Variants in TIAM1 observed in about 807,000 individuals in gnomAD.
TIAM1 encodes the protein rho guanine nucleotide exchange factor TIAM1.
Under a neutral mutation model 163.5 loss-of-function variants are expected in TIAM1, and 65 were observed. That is an observed-to-expected ratio of 0.40 (90% CI 0.33 to 0.49). The LOEUF is 0.49. Among genes scored for constraint, TIAM1 ranks in the 20% least tolerant of loss-of-function variants. TIAM1 has a pLI of 0.77. For missense variants in TIAM1, 1,789 were observed against 2,044.7 expected (o/e 0.87, Z 2.41); for synonymous variants, 833 against 810.1 (o/e 1.03, Z -0.48).
intron 1 of TIAM1, among the ~76,000 whole-genome samples, chr21:31,528,211 C>T (rs1050529884): frequency 1.3e-5 from 2 of 152,072 alleles, no homozygotes; most frequent in African/African-American, 4.8e-5. Flanking sequence ...AGTATGTGAC[C>T]TCTATTTAAA....
At chr21:31,553,286 G>A (rs114539579) in intron 1 of TIAM1, among the ~76,000 whole-genome samples, 3 of 152,158 alleles carry the variant, frequency 2.0e-5, no homozygotes, top group Non-Finnish European at 4.4e-5. Context: ...CAGTACCCAG[G>A]TAGCCCATAT....
At chr21:31,174,049 G>A (rs2084650013) in intron 15 of TIAM1, among the ~76,000 whole-genome samples, 1 of 152,188 alleles carries the variant, frequency 6.6e-6, no homozygotes, top group Admixed American at 6.5e-5. Flanking sequence ...AGGACCATGT[G>A]CTGCCGGGTA....
rs745826849 is a variant in TIAM1, at chr21:31,252,167, C to T, written c.986G>A (p.Ser329Asn). The T allele has an allele frequency of 1.2e-6, 2 of 1,606,484 alleles. No homozygotes were observed. The highest frequency in any genetic ancestry group is 1.1e-5 in the South Asian group (1 of 91,066). ...TTQDVNAGEG[S>N]EFADSGIEGA... ...TTCAATCCCACTGTCTGCAAACTCACTGCCCTCGCCTGCATTAACATCCTT... is the reference window on the plus strand; with the variant it reads ...TTCAATCCCACTGTCTGCAAACTCATTGCCCTCGCCTGCATTAACATCCTT... The change falls in exon 5 of 28, where the codon AGT becomes AAT. Residue 329 changes from serine to asparagine, a missense_variant. Coordinates refer to ENST00000541036, the MANE Select transcript of TIAM1 (RefSeq NM_001353694.2).
intron 6 of TIAM1, among the ~76,000 whole-genome samples, chr21:31,243,169 G>A (rs1043850737): frequency 2.4e-5 from 3 of 125,548 alleles, no homozygotes; most frequent in Non-Finnish European, 4.8e-5. Context: ...TCCAGCCTGG[G>A]CAACAAAAGC....
chr21:31,234,209 A>G (rs187704558), intron 6 of TIAM1, among the ~76,000 whole-genome samples: 9 of 151,036 alleles, frequency 6.0e-5, no homozygotes, highest in African/African-American at 2.2e-4. Flanking sequence ...AAGCTTCCCT[A>G]AAATCTACAC....
intron 2 of TIAM1, among the ~76,000 whole-genome samples, chr21:31,351,927 G>C (rs1313686423): frequency 6.6e-6 from 1 of 152,046 alleles, no homozygotes; most frequent in Non-Finnish European, 1.5e-5. Context: ...AATTAGCCGG[G>C]TGTGGTGGTG....
intron 16 of TIAM1, among the ~76,000 whole-genome samples, chr21:31,156,301 T>G (rs2083620422): frequency 6.6e-6 from 1 of 152,226 alleles, no homozygotes; most frequent in Non-Finnish European, 1.5e-5. Flanking sequence ...ACCCTGGTCT[T>G]ATATGCCAGA....
At chr21:31,200,787 G>A (rs1198129568) in intron 12 of TIAM1, among the ~76,000 whole-genome samples, 1 of 152,124 alleles carries the variant, frequency 6.6e-6, no homozygotes, top group Non-Finnish European at 1.5e-5. Context: ...GGCTCCACCA[G>A]GCTACCAAAA....
chr21:31,323,166 T>C (rs1315549171), intron 2 of TIAM1, among the ~76,000 whole-genome samples: 3 of 151,872 alleles, frequency 2.0e-5, no homozygotes, highest in African/African-American at 7.3e-5. Flanking sequence ...TGCCCGCCTG[T>C]AGTCCCAGCT....
chr21:31,338,356 A>T (rs2147087900), intron 2 of TIAM1, among the ~76,000 whole-genome samples: 1 of 152,286 alleles, frequency 6.6e-6, no homozygotes, highest in South Asian at 2.1e-4. Context: ...TTCTGGACCA[A>T]CCAACATAGG....
intron 22 of TIAM1, among the ~76,000 whole-genome samples, chr21:31,136,854 T>C (rs550412183): frequency 6.6e-6 from 1 of 152,362 alleles, no homozygotes; most frequent in African/African-American, 2.4e-5. Context: ...TTATTTCTTC[T>C]TCCAATCCAT....
In TIAM1 at chr21:31,538,227, T is replaced by C. The variant is rs530146738; in HGVS notation, c.-422+20700A>G. Among the ~76,000 whole-genome samples the C allele has an allele frequency of 1.1e-3, 173 of 152,344 alleles. 1 individual carries two copies. Among genetic ancestry groups the C allele is most frequent in the African/African-American group, 3.9e-3 (163 of 41,578 alleles). Reference sequence around the variant, plus strand: ...CACTTTTCTGTATGTATGTTATATTTAATTTCAATAATTTTTTAATTAAAT... The same window carrying C: ...CACTTTTCTGTATGTATGTTATATTCAATTTCAATAATTTTTTAATTAAAT... On this transcript the variant is annotated intron_variant, in intron 1 of 28. Coordinates refer to the TIAM1 transcript ENST00000286827.
At position 31,210,074 on chromosome 21, in the gene TIAM1, C is replaced by T; in HGVS notation, c.2359G>A (p.Ala787Thr). 1 of 1,614,076 alleles carries T rather than the reference C, an allele frequency of 6.2e-7. No homozygotes were observed. Residue 787 changes from alanine to threonine, a missense_variant, in exon 11 of 28, where the codon GCA becomes ACA. Ala to Thr is a moderately conservative substitution (Grantham distance 58, BLOSUM62 0). This residue lies in a region of TIAM1 where 456 missense variants were observed against 586.6 expected (regional missense o/e 0.78). Coordinates refer to ENST00000541036, the MANE Select transcript of TIAM1 (RefSeq NM_001353694.2). ...CAAATCAGCTCCAGGGTGTCCCGTGCAGTGTCGCCTGGCCGGACGACCGTC... is the reference window on the plus strand; with the variant it reads ...CAAATCAGCTCCAGGGTGTCCCGTGTAGTGTCGCCTGGCCGGACGACCGTC... The part of the protein sequence containing the change: ...ALTVVRPGDT[A>T]RDTLELICKT...
Position 31,482,100 on chromosome 21 carries a change from CAT to C in TIAM1, c.-421-18067_-421-18066del, listed in dbSNP as rs552025596. Reference sequence around the variant, plus strand: ...GTGTGTGTGTGTGTGTGTGTGTATACATATATATATACACACATATATATTTA... The same window carrying C: ...GTGTGTGTGTGTGTGTGTGTGTATACATATATATACACACATATATATTTA... On this transcript the variant is annotated intron_variant, in intron 1 of 28. Coordinates refer to the TIAM1 transcript ENST00000286827. Among the ~76,000 whole-genome samples, 200 of 105,166 alleles carry C rather than the reference CAT, an allele frequency of 1.9e-3. 1 individual carries two copies. The highest frequency in any genetic ancestry group is 7.9e-3 in the South Asian group (30 of 3,816). 69.0% of individuals were successfully genotyped at this position (105,166 alleles called of 152,430 possible).
At chr21:31,419,199 C>A (rs147287681) in intron 2 of TIAM1, among the ~76,000 whole-genome samples, 42 of 152,288 alleles carry the variant, frequency 2.8e-4, no homozygotes, top group African/African-American at 9.6e-4. Flanking sequence ...TGGTACTCAG[C>A]AAAGGGGAGT....
intron 2 of TIAM1, among the ~76,000 whole-genome samples, chr21:31,406,811 TA>T (rs1245631282): frequency 1.3e-5 from 2 of 151,964 alleles, no homozygotes; most frequent in Non-Finnish European, 2.9e-5. Flanking sequence ...ATTTTCACCT[TA>T]AAAAAAATCA....
At chr21:31,555,636 C>A (rs2048850041) in intron 1 of TIAM1, among the ~76,000 whole-genome samples, 1 of 152,212 alleles carries the variant, frequency 6.6e-6, no homozygotes, top group East Asian at 1.9e-4. Flanking sequence ...AGACAGAAGC[C>A]CCCTCTCCCG....
At chr21:31,530,975 G>A (rs1046343402) in intron 1 of TIAM1, among the ~76,000 whole-genome samples, 8 of 152,132 alleles carry the variant, frequency 5.3e-5, no homozygotes, top group African/African-American at 7.2e-5. Flanking sequence ...ACTGACTTAC[G>A]CCCCACAGAG....
intron 8 of TIAM1, among the ~76,000 whole-genome samples, chr21:31,223,204 C>A (rs59815355): frequency 6.6e-6 from 1 of 151,876 alleles, no homozygotes; most frequent in East Asian, 1.9e-4. Flanking sequence ...TAGCTTAGGC[C>A]CCCCCATCAA....
Sources: allele counts gnomAD v4.1 joint callset (sites outside exome capture counted in the v4.1 genomes callset), GRCh38; gene constraint gnomAD v4.1.1; regional missense constraint gnomAD v4.1.1; transcripts MANE v1.5; gene names NCBI Gene and HGNC (gene_info 2026-07-23, HGNC 2026-07-21).